The following TMEM108 variants were observed in gnomAD, a reference collection of about 807,000 sequenced individuals.
TMEM108 encodes the protein transmembrane protein 108, also known as cancer/testis antigen 124.
A neutral mutation model predicts 35.1 loss-of-function variants in TMEM108; 12 were observed. The observed-to-expected ratio is 0.34, with a 90% CI of 0.22 to 0.55. TMEM108 has a LOEUF of 0.55. Ranked by LOEUF, TMEM108 falls within the 20% of genes least tolerant of loss-of-function variation. TMEM108 has a pLI of 0.89. For missense variants in TMEM108, 680 were observed against 753.3 expected, an observed-to-expected ratio of 0.90 and a Z score of 1.14; for synonymous variants, 287 against 308.6, an observed-to-expected ratio of 0.93 and a Z score of 0.73.
chr3:133,134,623 ATTGTT>A (rs1944539550), intron 2 of TMEM108, among the ~76,000 whole-genome samples: 2 of 151,740 alleles, frequency 1.3e-5, no homozygotes, highest in African/African-American at 4.8e-5. Flanking sequence ...ATGATAAAAG[ATTGTT>A]TTGTTTCAAC....
chr3:133,292,115 A>G (rs138999294), intron 3 of TMEM108, among the ~76,000 whole-genome samples: 106 of 152,190 alleles, frequency 7.0e-4, no homozygotes, highest in African/African-American at 2.4e-3. Context: ...CTTTGTGGGA[A>G]CCTTGATGGT....
Position 133,380,426 on chromosome 3 carries a change from ACCCCACTCTGGGGCTAC to A in TMEM108, c.716_732del (p.Thr239IlefsTer80). On this transcript the variant is annotated frameshift_variant, in exon 4 of 6. Coordinates refer to ENST00000321871, the MANE Select transcript of TMEM108 (RefSeq NM_023943.4). LOFTEE classifies it high-confidence loss of function. The surrounding 1 kb of genome is among the most constrained non-coding windows in gnomAD (Gnocchi z 5.3). ...GGAGCCCTCTACCCTCACCCCCAGGACCCCACTCTGGGGCTACTCCTCTTCACCACAGCCCCAGACAG... is the reference window on the plus strand; with the variant it reads ...GGAGCCCTCTACCCTCACCCCCAGGATCCTCTTCACCACAGCCCCAGACAG... 1 of 1,613,490 alleles carries A rather than the reference ACCCCACTCTGGGGCTAC, an allele frequency of 6.2e-7. No individual in the cohort carries two copies. Among genetic ancestry groups the A allele is most frequent in the Non-Finnish European group, 8.5e-7 (1 of 1,179,660 alleles).
intron 2 of TMEM108, among the ~76,000 whole-genome samples, chr3:133,165,164 G>A (rs946081977): frequency 6.6e-6 from 1 of 152,146 alleles, no homozygotes; most frequent in African/African-American, 2.4e-5. Flanking sequence ...GTGTATTTCT[G>A]TATCACTCTT....
chr3:133,384,381 G>C (rs1174614696), intron 4 of TMEM108, among the ~76,000 whole-genome samples: 1 of 152,234 alleles, frequency 6.6e-6, no homozygotes, highest in Non-Finnish European at 1.5e-5. Flanking sequence ...GCTCCTGGTA[G>C]AAGTGGGAGT....
At position 133,377,973 on chromosome 3, in the gene TMEM108, A is replaced by G. The variant is rs146760793; in HGVS notation, c.41-1779A>G. On this transcript the variant is annotated intron_variant, in intron 3 of 5. Coordinates refer to ENST00000321871, the MANE Select transcript of TMEM108 (RefSeq NM_023943.4). ...TGAATGCCTGCTGATCTGAGGTGGAAGAGTTTCATCCCAAAACCATACCCC... is the reference window on the plus strand; with the variant it reads ...TGAATGCCTGCTGATCTGAGGTGGAGGAGTTTCATCCCAAAACCATACCCC... Among the ~76,000 whole-genome samples, 119 of 144,354 alleles carry G rather than the reference A, an allele frequency of 8.2e-4. 2 individuals carry two copies. The East Asian group carries it at 0.023, about 27-fold the overall frequency. The allele number at this position is 144,354 out of a possible 152,430, so 94.7% of individuals were successfully genotyped here. A position where few individuals can be genotyped will look rare whatever the true frequency, so the allele number is the denominator to read the frequency against.
intron 2 of TMEM108, among the ~76,000 whole-genome samples, chr3:133,183,366 A>G (rs1945375729): frequency 6.6e-6 from 1 of 151,924 alleles, no homozygotes; most frequent in South Asian, 2.1e-4. Context: ...TTAGTACTCC[A>G]GCGTAGGAGA....
chr3:133,160,129 C>T (rs1944940325), intron 2 of TMEM108, among the ~76,000 whole-genome samples: 1 of 152,196 alleles, frequency 6.6e-6, no homozygotes, highest in Non-Finnish European at 1.5e-5. Flanking sequence ...CCATCTGAGG[C>T]AGAAGGCACC....
intron 3 of TMEM108, among the ~76,000 whole-genome samples, chr3:133,330,409 G>A (rs943468287): frequency 6.6e-6 from 1 of 152,058 alleles, no homozygotes; most frequent in Non-Finnish European, 1.5e-5. Context: ...TTGGAGGTGG[G>A]GTGTGTATAT....
intron 3 of TMEM108, among the ~76,000 whole-genome samples, chr3:133,281,388 C>CA (rs940733738): frequency 6.6e-6 from 1 of 151,986 alleles, no homozygotes; most frequent in African/African-American, 2.4e-5. Flanking sequence ...GTGGTTTCAC[C>CA]AAAAAACCAG....
rs6439399 is a variant in TMEM108 at position 133,270,949 on chromosome 3, A to T, written c.40+41598A>T. Among the ~76,000 whole-genome samples the T allele has an allele frequency of 4.3e-3, 655 of 152,198 alleles. 2 individuals carry two copies. The highest frequency in any genetic ancestry group is 0.015 in the African/African-American group (607 of 41,482). On this transcript the variant is annotated intron_variant, in intron 3 of 5. Coordinates refer to ENST00000321871, the MANE Select transcript of TMEM108 (RefSeq NM_023943.4). ...GTGCAGCTTGGGCAGAGGGATTGCT[A>T]ATGAAATTATTGAAGTTCCAAAGCC...
intron 2 of TMEM108, among the ~76,000 whole-genome samples, chr3:133,125,607 C>G (rs1944405239): frequency 6.6e-6 from 1 of 152,114 alleles, no homozygotes; most frequent in Non-Finnish European, 1.5e-5. Context: ...TAATGACAGG[C>G]TTAATTATCA....
At chr3:133,216,739 C>G (rs1455186955) in intron 2 of TMEM108, among the ~76,000 whole-genome samples, 1 of 151,868 alleles carries the variant, frequency 6.6e-6, no homozygotes, top group Non-Finnish European at 1.5e-5. Flanking sequence ...CCAAGTTTAT[C>G]CATGTTACAA....
chr3:133,175,085 G>A (rs4544614), intron 2 of TMEM108, among the ~76,000 whole-genome samples: 19,666 of 152,170 alleles, frequency 0.13, 1,456 homozygotes, highest in South Asian at 0.22. Flanking sequence ...AGTGATTGAA[G>A]ATCAAATGAA....
At chr3:133,192,242 C>G (rs183358100) in intron 2 of TMEM108, among the ~76,000 whole-genome samples, 2 of 152,018 alleles carry the variant, frequency 1.3e-5, no homozygotes, top group African/African-American at 4.8e-5. Context: ...AGTCCATTAC[C>G]GAAATATAAA....
intron 1 of TMEM108, among the ~76,000 whole-genome samples, chr3:133,043,791 G>T (rs769218652): frequency 6.6e-6 from 1 of 152,026 alleles, no homozygotes. Context: ...AAATCCTTAG[G>T]TTCCTTTATT....
chr3:133,081,683 G>A (rs965772979), intron 2 of TMEM108, among the ~76,000 whole-genome samples: 1 of 152,020 alleles, frequency 6.6e-6, no homozygotes, highest in African/African-American at 2.4e-5. Context: ...CCTTCATGTT[G>A]GTTGGTTCTT....
chr3:133,073,697 A>G (rs1943707323), intron 2 of TMEM108, among the ~76,000 whole-genome samples: 1 of 151,602 alleles, frequency 6.6e-6, no homozygotes, highest in Non-Finnish European at 1.5e-5. Flanking sequence ...TTGTAGGATC[A>G]TATGGTAGTT....
intron 3 of TMEM108, among the ~76,000 whole-genome samples, chr3:133,251,686 A>C (rs1946473878): frequency 6.6e-6 from 1 of 152,052 alleles, no homozygotes; most frequent in South Asian, 2.1e-4. Context: ...ATACATATAA[A>C]TTTTTGCTCC....
chr3:133,134,555 T>C (rs1944537968), intron 2 of TMEM108, among the ~76,000 whole-genome samples: 1 of 149,822 alleles, frequency 6.7e-6, no homozygotes, highest in Non-Finnish European at 1.5e-5. Context: ...ATTAACGCTA[T>C]TTCTTTCCCC....
Sources: allele counts gnomAD v4.1 joint callset (sites outside exome capture counted in the v4.1 genomes callset), GRCh38; gene constraint gnomAD v4.1.1; non-coding constraint Gnocchi (gnomAD v3.1); transcripts MANE v1.5; gene names NCBI Gene and HGNC (gene_info 2026-07-23, HGNC 2026-07-21).